The following LRP2 variants were observed in gnomAD, a reference collection of about 807,000 sequenced individuals.
LRP2 encodes LDL receptor related protein 2.
In LRP2, 172 loss-of-function variants were observed where a neutral mutation model predicts 531.0. The observed-to-expected ratio is 0.32, with a 90% CI of 0.29 to 0.37. The LOEUF is 0.37. LRP2 is among the 10% of genes least tolerant of loss of function. The pLI, the probability that LRP2 is intolerant of heterozygous loss-of-function variation, is 1.00. For synonymous variants in LRP2, 1,992 were observed against 2,027.6 expected (o/e 0.98, Z 0.47); for missense variants, 5,167 against 5,868.3 (o/e 0.88, Z 3.90).
Position 169,191,957 on chromosome 2 carries a change from A to T in LRP2, c.8907T>A (p.Ser2969=), listed in dbSNP as rs2105311189. 1 of 1,614,144 alleles carries T rather than the reference A, an allele frequency of 6.2e-7. No homozygotes were observed. ...AATCCACATCGCCATCACAGACCCA[A>T]GACTGGGGAATGCACCTCCTGTCCG... ...RPPDRRCIPQ[S]WVCDGDVDCT... Residue 2969 remains serine (S), a synonymous_variant, in exon 48 of 79, where the codon TCT becomes TCA. Transcript: ENST00000649046.
intron 16 of LRP2, among the ~76,000 whole-genome samples, chr2:169,267,765 C>T (rs1289149591): frequency 6.6e-6 from 1 of 152,030 alleles, no homozygotes; most frequent in East Asian, 1.9e-4. Context: ...CATAGCAGAA[C>T]TGAAGGAGAT....
In LRP2 at chr2:169,246,959, T is replaced by C; in HGVS notation, c.2936A>G (p.His979Arg). Residue 979 changes from histidine (H) to arginine (R), a missense_variant, in exon 21 of 79, where the codon CAT becomes CGT. By Grantham distance (29) the His-to-Arg change is conservative. This residue lies in a region of LRP2 where 2,811 missense variants were observed against 3,058.0 expected (regional missense o/e 0.92). Coordinates refer to ENST00000649046, the MANE Select transcript of LRP2 (RefSeq NM_004525.3). The part of the protein sequence containing the change: ...TGSNACNQPT[H>R]PNGDCSHFCF... The stretch of plus-strand genomic sequence containing the variant: ...GAAGTGGCTGCAGTCACCGTTAGGA[T>C]GCGTGGGTTGATTACAGGCGTTAGA... 1.2e-6 allele frequency: 2 copies of C among 1,614,190 alleles called. No individual in the cohort carries two copies. Among genetic ancestry groups the C allele is most frequent in the East Asian group, 2.2e-5 (1 of 44,884 alleles).
chr2:169,127,315 T>A lies in LRP2; in HGVS notation c.*1348A>T, dbSNP rs539257579. The A allele has an allele frequency of 4.1e-4, 63 of 152,458 alleles. No homozygotes were observed. The highest frequency in any genetic ancestry group is 1.4e-3 in the African/African-American group (58 of 41,538). 9.4% of individuals were successfully genotyped at this position (152,458 alleles called of 1,614,324 possible). A position where few individuals can be genotyped will look rare whatever the true frequency, so the allele number is the denominator to read the frequency against. ...TCATTGTTTAACAAATGTGCAATAT[T>A]AGCACAGAGAGTCAGGTATGCTATT... On this transcript the variant is annotated 3_prime_UTR_variant, in exon 79 of 79. Transcript: ENST00000649046.
intron 19 of LRP2, among the ~76,000 whole-genome samples, chr2:169,248,825 A>C (rs1333684206): frequency 7.8e-6 from 1 of 128,614 alleles, no homozygotes; most frequent in East Asian, 2.1e-4. Flanking sequence ...TCACCTGGGA[A>C]GCGCAAGGGG....
chr2:169,339,107 G>GT (rs56841400), intron 1 of LRP2, among the ~76,000 whole-genome samples: 44,612 of 147,488 alleles, frequency 0.3, 7,026 homozygotes, highest in African/African-American at 0.42. Flanking sequence ...ATTCTACAGG[G>GT]TTTTTTTTTT....
At chr2:169,140,588 C>T in intron 71 of LRP2, 43 bp from the exon 72 acceptor site, 3 of 1,480,308 alleles carry the variant, frequency 2.0e-6, no homozygotes, top group Non-Finnish European at 2.8e-6. Context: ...CAGCTGTACT[C>T]AGCAGAGTGC....
chr2:169,179,669 G>A (rs112597789), intron 52 of LRP2, among the ~76,000 whole-genome samples: 24,494 of 150,930 alleles, frequency 0.16, 2,302 homozygotes, highest in East Asian at 0.35. Flanking sequence ...GTGGTGAGCC[G>A]AGATCACGCC....
At position 169,157,434 on chromosome 2, in the gene LRP2, C is replaced by CTTGG; in HGVS notation, c.11955_11956insCCAA (p.Gly3986ProfsTer17). 6.5e-7 allele frequency: 1 copy of CTTGG among 1,533,530 alleles called. No individual in the cohort carries two copies. Among genetic ancestry groups the CTTGG allele is most frequent in the Non-Finnish European group, 9.0e-7 (1 of 1,108,508 alleles). 95.0% of individuals were successfully genotyped at this position (1,533,530 alleles called of 1,614,324 possible). ...CCAGCTGTACAGGAGCAGATAAATCCTCCTTCATTTAATTGGGTACAATTT... is the reference window on the plus strand; with the variant it reads ...CCAGCTGTACAGGAGCAGATAAATCCTTGGTCCTTCATTTAATTGGGTACAATTT... On this transcript the variant is annotated frameshift_variant, in exon 64 of 79. Transcript: ENST00000649046. LOFTEE classifies it high-confidence loss of function.
At chr2:169,305,180 T>C (rs756077234) in intron 4 of LRP2, among the ~76,000 whole-genome samples, 3 of 152,136 alleles carry the variant, frequency 2.0e-5, no homozygotes, top group Non-Finnish European at 2.9e-5. Flanking sequence ...AGCACAGACA[T>C]TTCTCCCAAA....
chr2:169,341,592 T>C (rs952948516), intron 1 of LRP2, among the ~76,000 whole-genome samples: 6 of 152,238 alleles, frequency 3.9e-5, no homozygotes, highest in Admixed American at 1.3e-4. Context: ...TATTCTGATA[T>C]TTAACAAACT....
intron 16 of LRP2, among the ~76,000 whole-genome samples, chr2:169,266,128 A>G (rs1161590661): frequency 6.6e-6 from 1 of 152,070 alleles, no homozygotes; most frequent in Non-Finnish European, 1.5e-5. Flanking sequence ...AATAATATAA[A>G]CACATATGAT....
At chr2:169,330,099 C>T (rs942475532) in intron 1 of LRP2, among the ~76,000 whole-genome samples, 1 of 152,142 alleles carries the variant, frequency 6.6e-6, no homozygotes, top group African/African-American at 2.4e-5. Context: ...CCACCACCAC[C>T]CTGCTGTCCA....
chr2:169,259,318 T>A, intron 16 of LRP2, 101 bp from the exon 17 acceptor site: 2 of 694,026 alleles, frequency 2.9e-6, no homozygotes, highest in Non-Finnish European at 5.0e-6. Context: ...AGTTAGAGCA[T>A]ATTTCAGGAA....
intron 37 of LRP2, among the ~76,000 whole-genome samples, chr2:169,210,224 A>C (rs1260717482): frequency 6.6e-6 from 1 of 152,228 alleles, no homozygotes; most frequent in African/African-American, 2.4e-5. Flanking sequence ...CATGGCTGCC[A>C]AAACCAATGG....
In LRP2 at chr2:169,206,058, T is replaced by G. The variant is rs1195175693; in HGVS notation, c.7521A>C (p.Pro2507=). ...GSNRTVIARV[P]KPRAIVLDPC... ...GATCTAACACAATTGCTCTTGGTTT[T>G]GGAACGCGGGCTATCACAGTGCGGT... The change falls in exon 40 of 79, where the codon CCA becomes CCC. Residue 2507 remains proline, a synonymous_variant. Coordinates refer to ENST00000649046, the MANE Select transcript of LRP2 (RefSeq NM_004525.3). The G allele has an allele frequency of 1.2e-6, 2 of 1,614,244 alleles. No individual in the cohort carries two copies. Among genetic ancestry groups the G allele is most frequent in the South Asian group, 2.2e-5 (2 of 91,084 alleles).
chr2:169,306,623 A>C (rs570153965), intron 4 of LRP2, among the ~76,000 whole-genome samples: 82 of 152,328 alleles, frequency 5.4e-4, no homozygotes, highest in Admixed American at 1.6e-3. Flanking sequence ...CTGACACAGC[A>C]GACTAATTCC....
At chr2:169,215,428 T>C (rs906636978) in intron 35 of LRP2, among the ~76,000 whole-genome samples, 5 of 152,102 alleles carry the variant, frequency 3.3e-5, no homozygotes, top group African/African-American at 4.8e-5. Context: ...GAACGAGACT[T>C]TATAGTTTCT....
rs766779655 is a variant in LRP2 at position 169,275,211 on chromosome 2, G to C, written c.1800C>G (p.Leu600=). 1.9e-6 allele frequency: 3 copies of C among 1,613,738 alleles called. No individual in the cohort carries two copies. The East Asian group carries it at 6.7e-5, about 36-fold the overall frequency. ...QRKTVVHGGS[L]IPHPFGVSLF... The stretch of plus-strand genomic sequence containing the variant: ...AGCTTACTCCAAAGGGATGAGGAAT[G>C]AGGGAGCCTCCATGAACTACAGTCT... The change falls in exon 14 of 79, where the codon CTC becomes CTG. Residue 600 remains leucine, a synonymous_variant. Coordinates refer to ENST00000649046, the MANE Select transcript of LRP2 (RefSeq NM_004525.3).
chr2:169,260,869 A>AG (rs1039063579), intron 16 of LRP2, among the ~76,000 whole-genome samples: 1 of 99,760 alleles, frequency 1.0e-5, no homozygotes, highest in Non-Finnish European at 2.4e-5. Flanking sequence ...AGGGTACACT[A>AG]GAAAAAAAAA....
Sources: allele counts gnomAD v4.1 joint callset (sites outside exome capture counted in the v4.1 genomes callset), GRCh38; gene constraint gnomAD v4.1.1; regional missense constraint gnomAD v4.1.1; transcripts MANE v1.5; gene names NCBI Gene and HGNC (gene_info 2026-07-23, HGNC 2026-07-21).